The following EVA1A variants were observed in gnomAD, a reference collection of about 807,000 sequenced individuals.
The protein encoded by EVA1A is protein eva-1 homolog A.
In EVA1A, 7 loss-of-function variants were observed where a neutral mutation model predicts 9.8. That is an observed-to-expected ratio of 0.71 (90% CI 0.41 to 1.34). EVA1A has a LOEUF of 1.34. Among genes scored for constraint, EVA1A ranks in the 40% most tolerant of loss-of-function variants. The pLI, the probability that EVA1A is intolerant of heterozygous loss-of-function variation, is 0.01. For synonymous variants in EVA1A, 90 were observed against 85.6 expected, an observed-to-expected ratio of 1.05 and a Z score of -0.28; for missense variants, 206 against 205.9, an observed-to-expected ratio of 1.00 and a Z score of 0.00.
At chr2:75,503,492 C>A (rs938973800) in intron 3 of EVA1A, among the ~76,000 whole-genome samples, 7 of 152,198 alleles carry the variant, frequency 4.6e-5, no homozygotes, top group African/African-American at 1.7e-4. Context: ...ATTTCATTTG[C>A]ACCCTCAGAG....
At chr2:75,509,834 C>T (rs533905971) in intron 3 of EVA1A, among the ~76,000 whole-genome samples, 46 of 151,792 alleles carry the variant, frequency 3.0e-4, no homozygotes, top group African/African-American at 1.0e-3. Flanking sequence ...GGGAAGTTTA[C>T]GTATACTGAT....
Position 75,526,413 on chromosome 2 carries a change from C to T in EVA1A, c.-191-3926G>A, listed in dbSNP as rs553224828. On this transcript the variant is annotated intron_variant, in intron 1 of 3. Coordinates refer to ENST00000393913, the MANE Select transcript of EVA1A (RefSeq NM_001135032.2). The stretch of plus-strand genomic sequence containing the variant: ...TACTAATAGTCCACATTTTTTGAGA[C>T]CTTTCTCTTCAACCAGATAATTTGC... 8.5e-5 allele frequency among the ~76,000 whole-genome samples: 13 copies of T among 152,240 alleles called. 1 individual carries two copies. The South Asian group carries it at 2.7e-3, about 32-fold the overall frequency.
chr2:75,505,684 C>T (rs980043383), intron 3 of EVA1A, among the ~76,000 whole-genome samples: 1 of 151,892 alleles, frequency 6.6e-6, no homozygotes, highest in Non-Finnish European at 1.5e-5. Context: ...CATGGTGGTG[C>T]ACGTCTGTAA....
intron 3 of EVA1A, among the ~76,000 whole-genome samples, chr2:75,512,864 A>G (rs1572956555): frequency 6.6e-6 from 1 of 152,134 alleles, no homozygotes; most frequent in South Asian, 2.1e-4. Context: ...ACCTCCAGAC[A>G]TTGCCAGAAG....
intron 1 of EVA1A, among the ~76,000 whole-genome samples, chr2:75,545,905 G>C (rs187513326): frequency 2.8e-4 from 43 of 152,266 alleles, no homozygotes; most frequent in African/African-American, 9.6e-4. Context: ...TCTCAAAGAA[G>C]TAGGAGTTAA....
intron 3 of EVA1A, among the ~76,000 whole-genome samples, chr2:75,510,288 C>A (rs972234682): frequency 1.3e-5 from 2 of 152,112 alleles, no homozygotes; most frequent in Admixed American, 1.3e-4. Context: ...AAAAAATTTA[C>A]AAATTATATA....
chr2:75,532,961 G>C (rs938524300), intron 1 of EVA1A, among the ~76,000 whole-genome samples: 1 of 151,948 alleles, frequency 6.6e-6, no homozygotes, highest in Non-Finnish European at 1.5e-5. Flanking sequence ...TAGGTAATAT[G>C]GCAAAACCCC....
chr2:75,562,915 G>A, upstream of EVA1A, among the ~76,000 whole-genome samples: 1 of 152,194 alleles, frequency 6.6e-6, no homozygotes, highest in Admixed American at 6.5e-5. Context: ...GAAATAAATA[G>A]ATAGGGCACA....
At chr2:75,560,264 G>A (rs1447856901) in intron 1 of EVA1A, among the ~76,000 whole-genome samples, 1 of 152,162 alleles carries the variant, frequency 6.6e-6, no homozygotes, top group African/African-American at 2.4e-5. Context: ...CCACGGTGCA[G>A]CACGTACATT....
chr2:75,551,097 G>A (rs1374094937), intron 1 of EVA1A, among the ~76,000 whole-genome samples: 1 of 152,042 alleles, frequency 6.6e-6, no homozygotes, highest in Non-Finnish European at 1.5e-5. Flanking sequence ...ATTCCAGCCT[G>A]GGCGACAGAG....
intron 3 of EVA1A, chr2:75,517,686 G>A (rs1413307212): frequency 1.5e-6 from 1 of 657,600 alleles, no homozygotes; most frequent in African/African-American, 1.8e-5. Flanking sequence ...CTCACACACA[G>A]GCAGCCTGTG....
intron 3 of EVA1A, among the ~76,000 whole-genome samples, chr2:75,515,564 C>A (rs1022335305): frequency 3.3e-5 from 5 of 152,096 alleles, no homozygotes; most frequent in African/African-American, 1.2e-4. Context: ...GAACCTTAGT[C>A]CCCTTCTTTT....
At chr2:75,528,903 A>T (rs904022084) in intron 1 of EVA1A, among the ~76,000 whole-genome samples, 61 of 152,198 alleles carry the variant, frequency 4.0e-4, no homozygotes, top group African/African-American at 1.4e-3. Context: ...AAGAAAGGAG[A>T]AAACAACAGC....
intron 1 of EVA1A, among the ~76,000 whole-genome samples, chr2:75,538,454 C>A (rs1347233164): frequency 6.6e-6 from 1 of 152,164 alleles, no homozygotes; most frequent in Non-Finnish European, 1.5e-5. Context: ...AAATACAGTC[C>A]TGCACCACAT....
At chr2:75,509,690 A>T (rs1674743147) in intron 3 of EVA1A, among the ~76,000 whole-genome samples, 1 of 152,148 alleles carries the variant, frequency 6.6e-6, no homozygotes, top group Non-Finnish European at 1.5e-5. Context: ...GCGGATCTGT[A>T]CTTTGTTAGA....
chr2:75,568,563 G>A lies in EVA1A; in HGVS notation c.-192+913C>T, dbSNP rs181222636. Among the ~76,000 whole-genome samples the A allele has an allele frequency of 3.5e-3, 525 of 151,878 alleles. 4 individuals are homozygous for A. The highest frequency in any genetic ancestry group is 5.4e-3 in the Non-Finnish European group (368 of 67,968). The stretch of plus-strand genomic sequence containing the variant: ...TGAGATGTTAGTGCACCTGTCACCC[G>A]GGCAGTATACGCTGTACCCAGTGTG... On this transcript the variant is annotated intron_variant, in intron 1 of 3. Transcript: ENST00000233712.
rs540355983 is a variant in EVA1A at position 75,536,097 on chromosome 2, T to C, written c.-191-13610A>G. ...AGTGTATAGTTGGTACATGGTTTTT[T>C]ATAGCCAAGGCGGGCAGATTGCTTG... On this transcript the variant is annotated intron_variant, in intron 1 of 3. Transcript: ENST00000393913. Among the ~76,000 whole-genome samples, 15 of 152,284 alleles carry C rather than the reference T, an allele frequency of 9.9e-5. No individual in the cohort carries two copies. In the South Asian group the frequency reaches 3.1e-3, roughly 32 times the overall value.
chr2:75,536,210 C>T (rs566985421), intron 1 of EVA1A, among the ~76,000 whole-genome samples: 38 of 152,180 alleles, frequency 2.5e-4, no homozygotes, highest in South Asian at 2.5e-3. Flanking sequence ...TGGTGCACAT[C>T]TGTAATCCCA....
chr2:75,547,605 A>C (rs1248421212), intron 1 of EVA1A, among the ~76,000 whole-genome samples: 13 of 152,224 alleles, frequency 8.5e-5, no homozygotes, highest in Non-Finnish European at 1.5e-5. Flanking sequence ...TCCACTGAGC[A>C]TTAAAGAAAC....
Sources: allele counts gnomAD v4.1 joint callset (sites outside exome capture counted in the v4.1 genomes callset), GRCh38; gene constraint gnomAD v4.1.1; transcripts MANE v1.5; gene names NCBI Gene and HGNC (gene_info 2026-07-23, HGNC 2026-07-21).